Variants in ITGAV observed in about 807,000 individuals in gnomAD.
The protein encoded by ITGAV is integrin alpha-V.
A neutral mutation model predicts 143.8 loss-of-function variants in ITGAV; 76 were observed. The observed-to-expected ratio is 0.53, with a 90% CI of 0.44 to 0.64. The LOEUF is 0.64. Ranked by LOEUF, ITGAV falls within the 30% of genes least tolerant of loss-of-function variation. ITGAV has a pLI of 0.00. For synonymous variants in ITGAV, 453 were observed against 446.7 expected, an observed-to-expected ratio of 1.01 and a Z score of -0.18; for missense variants, 1,193 against 1,274.7, an observed-to-expected ratio of 0.94 and a Z score of 0.98.
At chr2:186,675,517 A>C in intron 26 of ITGAV, 87 bp from the exon 27 acceptor site, 1 of 912,774 alleles carries the variant, frequency 1.1e-6, no homozygotes, top group Non-Finnish European at 1.8e-6. Flanking sequence ...TGGCCATCAC[A>C]CAAAAAGAAA....
chr2:186,645,458 G>A (rs941745211), intron 12 of ITGAV, among the ~76,000 whole-genome samples: 4 of 151,858 alleles, frequency 2.6e-5, no homozygotes, highest in African/African-American at 9.7e-5. Context: ...GTAAATAAGG[G>A]TAAAAAACTG....
intron 2 of ITGAV, among the ~76,000 whole-genome samples, chr2:186,614,672 T>G (rs1335929282): frequency 6.6e-6 from 1 of 151,972 alleles, no homozygotes; most frequent in African/African-American, 2.4e-5. Flanking sequence ...TAAATTTTGT[T>G]TTCTATTATC....
chr2:186,648,897 T>C lies in ITGAV; in HGVS notation c.1352-943T>C, dbSNP rs1262805029. Among the ~76,000 whole-genome samples, 7 of 150,370 alleles carry C rather than the reference T, an allele frequency of 4.7e-5. No individual in the cohort carries two copies. In the Admixed American group the frequency reaches 4.7e-4, roughly 10 times the overall value. ...CTTAACTATAGATTATTAGTAAAAA[T>C]AATCATTTTCATTTGTGTGTATATA... On this transcript the variant is annotated intron_variant, in intron 13 of 29. Coordinates refer to ENST00000261023, the MANE Select transcript of ITGAV (RefSeq NM_002210.5).
rs1688910060 is a variant in ITGAV at position 186,666,784 on chromosome 2, G to A, written c.2246+1G>A. Reference sequence around the variant, plus strand: ...TGAAATTTGACTTACAAATCCAAAGGTATGAAAACAACTTATATTCACTTA... The same window carrying A: ...TGAAATTTGACTTACAAATCCAAAGATATGAAAACAACTTATATTCACTTA... On this transcript the variant is annotated splice_donor_variant, in intron 22 of 29. Transcript: ENST00000261023. LOFTEE classifies it high-confidence loss of function. 1.3e-6 allele frequency: 2 copies of A among 1,527,946 alleles called. No individual in the cohort carries two copies. The highest frequency in any genetic ancestry group is 1.4e-5 in the African/African-American group (1 of 72,588). 94.6% of individuals were successfully genotyped at this position (1,527,946 alleles called of 1,614,324 possible).
At chr2:186,657,361 A>C (rs1190485522) in intron 17 of ITGAV, among the ~76,000 whole-genome samples, 1 of 152,372 alleles carries the variant, frequency 6.6e-6, no homozygotes, top group East Asian at 1.9e-4. Flanking sequence ...TGCATAGGCC[A>C]TAAAGGAAGT....
chr2:186,641,757 T>C, intron 12 of ITGAV, 169 bp downstream of exon 12: 1 of 594,182 alleles, frequency 1.7e-6, no homozygotes. Context: ...TATTTTTCTT[T>C]AAAAATCAGA....
chr2:186,673,934 G>A (rs1430581434), intron 26 of ITGAV, among the ~76,000 whole-genome samples: 1 of 152,040 alleles, frequency 6.6e-6, no homozygotes, highest in African/African-American at 2.4e-5. Flanking sequence ...CCTCCCGAAA[G>A]TTCTAGAATT....
chr2:186,605,579 A>C (rs1427931617), intron 2 of ITGAV, among the ~76,000 whole-genome samples: 1 of 151,954 alleles, frequency 6.6e-6, no homozygotes, highest in Non-Finnish European at 1.5e-5. Context: ...AAGTTCCATG[A>C]GGACCGTTTT....
intron 26 of ITGAV, among the ~76,000 whole-genome samples, chr2:186,672,567 A>G (rs1161887076): frequency 2.0e-5 from 3 of 152,174 alleles, no homozygotes; most frequent in Non-Finnish European, 4.4e-5. Flanking sequence ...TTTTCTCCAC[A>G]TCTTTGTCAA....
At chr2:186,604,495 G>A (rs1687002288) in intron 2 of ITGAV, among the ~76,000 whole-genome samples, 4 of 152,132 alleles carry the variant, frequency 2.6e-5, no homozygotes, top group African/African-American at 4.8e-5. Flanking sequence ...GTACAAATAT[G>A]TGAATATATC....
In ITGAV at chr2:186,625,561, C is replaced by T; in HGVS notation, c.497C>T (p.Thr166Ile). Residue 166 changes from threonine to isoleucine, a missense_variant, in exon 4 of 30, where the codon ACT (threonine) becomes ATT (isoleucine). Physicochemically the swap from Thr to Ile is moderately conservative, Grantham distance 89. Coordinates refer to ENST00000261023, the MANE Select transcript of ITGAV (RefSeq NM_002210.5). ...GTCFLQDGTKTVEYAPCRSQD... is the reference protein window; with the variant it reads ...GTCFLQDGTKIVEYAPCRSQD... ...TGCTTTCTTCAAGATGGAACAAAGA[C>T]TGTTGAGTATGCTCCATGTAGATCA... 1 of 1,612,840 alleles carries T rather than the reference C, an allele frequency of 6.2e-7. No homozygotes were observed. Among genetic ancestry groups the T allele is most frequent in the South Asian group, 1.1e-5 (1 of 91,010 alleles).
At chr2:186,594,853 C>T (rs1686704793) in intron 1 of ITGAV, among the ~76,000 whole-genome samples, 1 of 152,126 alleles carries the variant, frequency 6.6e-6, no homozygotes, top group Non-Finnish European at 1.5e-5. Flanking sequence ...TGATTTTTCT[C>T]ATCATAAATA....
Position 186,675,702 on chromosome 2 carries a change from T to A in ITGAV, c.2805T>A (p.Thr935=), listed in dbSNP as rs781669980. 11 of 1,611,522 alleles carry A rather than the reference T, an allele frequency of 6.8e-6. No individual in the cohort carries two copies. In the African/African-American group the frequency reaches 1.5e-4, roughly 22 times the overall value. ...TGTACGTAAAGTCATTACTGTGGACTGAGACTTTTATGAATGTAAGTAGAC... is the reference window on the plus strand; with the variant it reads ...TGTACGTAAAGTCATTACTGTGGACAGAGACTTTTATGAATGTAAGTAGAC... The part of the protein sequence containing the change: ...AILYVKSLLW[T]ETFMNKENQN... The change falls in exon 27 of 30, where the codon ACT becomes ACA. Residue 935 remains threonine, a synonymous_variant. Transcript: ENST00000261023.
At chr2:186,592,063 C>G (rs1379481094) in intron 1 of ITGAV, among the ~76,000 whole-genome samples, 1 of 152,004 alleles carries the variant, frequency 6.6e-6, no homozygotes, top group Non-Finnish European at 1.5e-5. Flanking sequence ...TTAGTTGCTC[C>G]CAAGGGTTCA....
chr2:186,641,341 C>A, intron 11 of ITGAV, 45 bp from the exon 12 acceptor site: 1 of 1,482,512 alleles, frequency 6.7e-7, no homozygotes, highest in Non-Finnish European at 9.4e-7. Context: ...CCTACTAAGA[C>A]ATGAAATTTG....
At chr2:186,633,274 T>A in intron 5 of ITGAV, 55 bp from the exon 6 acceptor site, 1 of 1,089,140 alleles carries the variant, frequency 9.2e-7, no homozygotes, top group Non-Finnish European at 1.4e-6. Context: ...GATTTCTATT[T>A]TGAGAGATAT....
chr2:186,669,642 C>G, intron 25 of ITGAV, 59 bp from the exon 26 acceptor site: 1 of 1,138,698 alleles, frequency 8.8e-7, no homozygotes, highest in Non-Finnish European at 1.3e-6. Context: ...TATCAAAATG[C>G]TGATGTAAAA....
intron 1 of ITGAV, among the ~76,000 whole-genome samples, chr2:186,596,029 A>G (rs1161185723): frequency 1.3e-5 from 2 of 152,194 alleles, no homozygotes; most frequent in Admixed American, 6.5e-5. Flanking sequence ...TACATTTTCT[A>G]CTCTTCTAGG....
chr2:186,669,630 T>C, intron 25 of ITGAV, 71 bp from the exon 26 acceptor site: 2 of 1,019,700 alleles, frequency 2.0e-6, no homozygotes, highest in Non-Finnish European at 3.0e-6. Flanking sequence ...TCTAAGAGTT[T>C]ATATCAAAAT....
Sources: gnomAD v4.1 joint callset for allele counts (sites outside exome capture counted in the v4.1 genomes callset) on GRCh38, gnomAD v4.1.1 for gene constraint, MANE v1.5 for transcripts, NCBI Gene and HGNC (gene_info 2026-07-23, HGNC 2026-07-21) for gene names.